The following CCDC112 variants were observed in gnomAD, a reference collection of about 807,000 sequenced individuals.
CCDC112 encodes the protein coiled-coil domain containing 112.
In CCDC112, 40 loss-of-function variants were observed where a neutral mutation model predicts 66.3. The ratio of observed to expected loss-of-function variants is 0.60; its 90% CI spans 0.47 to 0.79. The LOEUF is 0.79. Ranked by LOEUF, CCDC112 falls within the 30% of genes least tolerant of loss-of-function variation. The pLI, the probability that CCDC112 is intolerant of heterozygous loss-of-function variation, is 0.00. For synonymous variants in CCDC112, 214 were observed against 197.2 expected (o/e 1.09, Z -0.71); for missense variants, 659 against 603.8 (o/e 1.09, Z -0.96).
chr5:115,290,870 G>A (rs557425152), intron 1 of CCDC112, among the ~76,000 whole-genome samples: 10 of 152,072 alleles, frequency 6.6e-5, no homozygotes, highest in Admixed American at 6.6e-4. Flanking sequence ...TAGTTTTCTA[G>A]TAAGTTTTTT....
chr5:115,279,615 A>G (rs755731052), intron 3 of CCDC112, 32 bp downstream of exon 3: 8 of 1,605,864 alleles, frequency 5.0e-6, no homozygotes, highest in South Asian at 4.4e-5. Context: ...ATATCGCTCA[A>G]CAGTTTTTAG....
At chr5:115,281,323 C>T (rs1219789894) in intron 2 of CCDC112, among the ~76,000 whole-genome samples, 2 of 152,260 alleles carry the variant, frequency 1.3e-5, no homozygotes, top group African/African-American at 4.8e-5. Flanking sequence ...CGCATCTGAC[C>T]GCCCATAGAG....
chr5:115,285,873 G>A (rs185933155), intron 1 of CCDC112, among the ~76,000 whole-genome samples: 1 of 152,166 alleles, frequency 6.6e-6, no homozygotes, highest in East Asian at 1.9e-4. Flanking sequence ...CTACTGGGCT[G>A]ACAGAAAATA....
intron 1 of CCDC112, among the ~76,000 whole-genome samples, chr5:115,285,388 C>T (rs1749633568): frequency 1.3e-5 from 2 of 151,956 alleles, no homozygotes; most frequent in South Asian, 2.1e-4. Flanking sequence ...ATGGAGAAAG[C>T]GGAGAAAGGG....
intron 1 of CCDC112, among the ~76,000 whole-genome samples, chr5:115,294,975 G>C (rs1450284717): frequency 6.6e-6 from 1 of 152,092 alleles, no homozygotes; most frequent in African/African-American, 2.4e-5. Context: ...AAAGTGGTAA[G>C]ACAGTATACA....
intron 1 of CCDC112, among the ~76,000 whole-genome samples, chr5:115,286,033 T>C (rs1000712016): frequency 6.6e-6 from 1 of 152,210 alleles, no homozygotes; most frequent in African/African-American, 2.4e-5. Context: ...CTAGGAAATA[T>C]ATTTTAAGTC....
At chr5:115,295,709 C>A (rs575888568) in intron 1 of CCDC112, among the ~76,000 whole-genome samples, 84 of 152,218 alleles carry the variant, frequency 5.5e-4, no homozygotes, top group African/African-American at 1.7e-3. Context: ...AGCTTACATT[C>A]TCATGGGGGT....
chr5:115,289,605 G>C (rs1413511740), intron 1 of CCDC112, among the ~76,000 whole-genome samples: 1 of 152,176 alleles, frequency 6.6e-6, no homozygotes, highest in Non-Finnish European at 1.5e-5. Context: ...GATCTAAATT[G>C]AACTAAATTT....
intron 2 of CCDC112, among the ~76,000 whole-genome samples, chr5:115,282,912 T>G (rs1749516522): frequency 6.6e-6 from 1 of 152,058 alleles, no homozygotes; most frequent in Non-Finnish European, 1.5e-5. Flanking sequence ...TTACAATGAG[T>G]TTTTCTAATA....
chr5:115,289,540 A>C (rs990675633), intron 1 of CCDC112, among the ~76,000 whole-genome samples: 1 of 152,184 alleles, frequency 6.6e-6, no homozygotes, highest in Non-Finnish European at 1.5e-5. Context: ...TTCTTACTCT[A>C]TTTTATAGAA....
chr5:115,288,680 A>T (rs765234280), intron 1 of CCDC112, among the ~76,000 whole-genome samples: 82 of 152,356 alleles, frequency 5.4e-4, no homozygotes, highest in Admixed American at 3.9e-3. Flanking sequence ...GTATTAGAAG[A>T]TATAAGAACT....
intron 9 of CCDC112, among the ~76,000 whole-genome samples, chr5:115,268,190 A>G: frequency 6.6e-6 from 1 of 152,332 alleles, no homozygotes; most frequent in South Asian, 2.1e-4. Flanking sequence ...TCTCCTTATA[A>G]AAATAAATAT....
intron 1 of CCDC112, among the ~76,000 whole-genome samples, chr5:115,295,310 G>A (rs1466923667): frequency 6.6e-6 from 1 of 152,196 alleles, no homozygotes; most frequent in African/African-American, 2.4e-5. Context: ...GAGAAATGAT[G>A]GAGAAAGCCA....
rs1425968057 is a variant in CCDC112, at chr5:115,280,526, T to C, written c.240-758A>G. The C allele has an allele frequency of 2.0e-5, 3 of 152,358 alleles. No homozygotes were observed. In the East Asian group the frequency reaches 5.8e-4, roughly 29 times the overall value. 9.4% of individuals were successfully genotyped at this position (152,358 alleles called of 1,614,324 possible). A position where few individuals can be genotyped will look rare whatever the true frequency, so the allele number is the denominator to read the frequency against. On this transcript the variant is annotated intron_variant, in intron 2 of 9. Transcript: ENST00000379611. ...AATAAAACACTACTGAGAAACTTTTTTGATTGGGCAAAGAAATCAATTCTC... is the reference window on the plus strand; with the variant it reads ...AATAAAACACTACTGAGAAACTTTTCTGATTGGGCAAAGAAATCAATTCTC...
chr5:115,279,032 C>T (rs1465012567), intron 3 of CCDC112, among the ~76,000 whole-genome samples: 1 of 152,094 alleles, frequency 6.6e-6, no homozygotes, highest in East Asian at 1.9e-4. Context: ...ACATTCAGTA[C>T]ACTATTGACA....
In CCDC112 at chr5:115,271,597, C is replaced by G. The variant is rs1364129897; in HGVS notation, c.948G>C (p.Gln316His). 6.5e-7 allele frequency: 1 copy of G among 1,541,246 alleles called. No individual in the cohort carries two copies. The highest frequency in any genetic ancestry group is 1.4e-5 in the African/African-American group (1 of 70,654). Residue 316 changes from glutamine (Q) to histidine (H), a missense_variant, in exon 7 of 10, where the codon CAG becomes CAC. Transcript: ENST00000379611. ...ACTTGAAAATTTCCTCCCTTTTTTG[C>G]TGCTTTTTAGTTTTCCAAATCTGAA... is the stretch of plus-strand genomic sequence containing the variant. ...ESIQIWKTKK[Q>H]QKREEIFKLK...
chr5:115,275,513 T>C lies in CCDC112; in HGVS notation c.621A>G (p.Glu207=), dbSNP rs1249486447. ...KIDTWALGNS[E]TEKAFRAISS... ...AGATTGCTCTGAAAGCTTTCTCTGT[T>C]TCTGAATTACCCAAAGCCCATGTGT... Residue 207 remains glutamate (E), a synonymous_variant, in exon 6 of 10, where the codon GAA becomes GAG. Coordinates refer to ENST00000379611, the MANE Select transcript of CCDC112 (RefSeq NM_001040440.3). 6.2e-7 allele frequency: 1 copy of C among 1,613,898 alleles called. No individual in the cohort carries two copies. The highest frequency in any genetic ancestry group is 1.3e-5 in the African/African-American group (1 of 74,906).
At chr5:115,273,199 G>A (rs1749076992) in intron 6 of CCDC112, among the ~76,000 whole-genome samples, 1 of 152,132 alleles carries the variant, frequency 6.6e-6, no homozygotes, top group South Asian at 2.1e-4. Context: ...CATCTGATCT[G>A]GGCCAATTTT....
Position 115,269,812 on chromosome 5 carries a change from A to G in CCDC112, c.1333-14T>C. 6.8e-7 allele frequency: 1 copy of G among 1,460,228 alleles called. No homozygotes were observed. Among genetic ancestry groups the G allele is most frequent in the African/African-American group, 1.4e-5 (1 of 70,052 alleles). 90.5% of individuals were successfully genotyped at this position (1,460,228 alleles called of 1,614,324 possible). A position where few individuals can be genotyped will look rare whatever the true frequency, so the allele number is the denominator to read the frequency against. On this transcript the variant is annotated splice_polypyrimidine_tract_variant and intron_variant, in intron 7 of 9. Transcript: ENST00000379611. ...TTTATGTAAATCCTTAAAAAAAAAAACCCATAGCATTAAGAAAGCATGTGA... is the reference window on the plus strand; with the variant it reads ...TTTATGTAAATCCTTAAAAAAAAAAGCCCATAGCATTAAGAAAGCATGTGA...
Sources: allele counts gnomAD v4.1 joint callset (sites outside exome capture counted in the v4.1 genomes callset), GRCh38; gene constraint gnomAD v4.1.1; transcripts MANE v1.5; gene names NCBI Gene and HGNC (gene_info 2026-07-23, HGNC 2026-07-21).